MCTP1: variants seen among roughly 807,000 people sequenced by gnomAD.
MCTP1 encodes the protein multiple C2 and transmembrane domain containing 1.
MCTP1 carries 69 observed loss-of-function variants against 120.6 expected under a neutral mutation model. The ratio of observed to expected loss-of-function variants is 0.57; its 90% CI spans 0.47 to 0.70. MCTP1 has a LOEUF of 0.70. Ranked by LOEUF, MCTP1 falls within the 30% of genes least tolerant of loss-of-function variation. The pLI, the probability that MCTP1 is intolerant of heterozygous loss-of-function variation, is 0.00. For missense variants in MCTP1, 1,203 were observed against 1,248.8 expected, an observed-to-expected ratio of 0.96 and a Z score of 0.55; for synonymous variants, 529 against 493.1, an observed-to-expected ratio of 1.07 and a Z score of -0.96.
chr5:95,108,685 G>A (rs904793262), intron 1 of MCTP1, among the ~76,000 whole-genome samples: 1 of 152,148 alleles, frequency 6.6e-6, no homozygotes, highest in African/African-American at 2.4e-5. Flanking sequence ...ACACCTTTGC[G>A]TTTTGCAACA....
intron 1 of MCTP1, among the ~76,000 whole-genome samples, chr5:95,238,196 C>T (rs967822719): frequency 2.6e-5 from 4 of 152,140 alleles, no homozygotes; most frequent in African/African-American, 9.7e-5. Context: ...GTTCTTAGGC[C>T]AGCCTCTCCA....
intron 8 of MCTP1, among the ~76,000 whole-genome samples, chr5:94,915,873 C>T (rs1340439555): frequency 6.6e-6 from 1 of 152,044 alleles, no homozygotes; most frequent in African/African-American, 2.4e-5. Flanking sequence ...CCATTAGTTG[C>T]TGTGAAATGC....
intron 3 of MCTP1, among the ~76,000 whole-genome samples, chr5:94,947,577 T>TAGAG (rs3030518): frequency 1.4e-3 from 64 of 47,332 alleles, no homozygotes; most frequent in South Asian, 3.5e-3. Context: ...TATATATATA[T>TAGAG]AGAGAGAGAG....
At chr5:95,064,849 T>C (rs1156424611) in intron 1 of MCTP1, among the ~76,000 whole-genome samples, 1 of 152,212 alleles carries the variant, frequency 6.6e-6, no homozygotes. Context: ...TCCAAACTGA[T>C]TTAGATGTTG....
At chr5:94,983,718 ATTCAT>A (rs545911142) in intron 2 of MCTP1, among the ~76,000 whole-genome samples, 1 of 151,584 alleles carries the variant, frequency 6.6e-6, no homozygotes, top group South Asian at 2.1e-4. Context: ...CTAGAAAGTA[ATTCAT>A]TTCTTTTTTG....
chr5:95,182,826 A>G (rs1748754523), intron 1 of MCTP1, among the ~76,000 whole-genome samples: 1 of 152,138 alleles, frequency 6.6e-6, no homozygotes, highest in Non-Finnish European at 1.5e-5. Context: ...GATCAAGACC[A>G]TCCTGGCTAA....
At chr5:95,062,706 C>T (rs149477189) in intron 1 of MCTP1, among the ~76,000 whole-genome samples, 36 of 152,320 alleles carry the variant, frequency 2.4e-4, no homozygotes, top group African/African-American at 8.2e-4. Flanking sequence ...AATAGGCACA[C>T]AGAAATACAT....
intron 6 of MCTP1, among the ~76,000 whole-genome samples, chr5:94,924,478 A>C (rs1161381779): frequency 6.6e-6 from 1 of 152,192 alleles, no homozygotes; most frequent in Non-Finnish European, 1.5e-5. Context: ...TCTACAAAAA[A>C]TTCCAAATTT....
chr5:95,270,248 T>C (rs771712029), intron 1 of MCTP1, among the ~76,000 whole-genome samples: 1 of 152,162 alleles, frequency 6.6e-6, no homozygotes, highest in Non-Finnish European at 1.5e-5. Context: ...TATTCTGTAG[T>C]GTTTAAAGGC....
At chr5:95,045,733 C>A (rs1269758366) in intron 1 of MCTP1, among the ~76,000 whole-genome samples, 1 of 152,010 alleles carries the variant, frequency 6.6e-6, no homozygotes, top group African/African-American at 2.4e-5. Context: ...AAACATATAC[C>A]AAACATGTGA....
intron 1 of MCTP1, among the ~76,000 whole-genome samples, chr5:95,096,685 G>C (rs188433303): frequency 6.6e-6 from 1 of 152,278 alleles, no homozygotes; most frequent in East Asian, 1.9e-4. Context: ...GCATCTTACA[G>C]AGCTACATGA....
intron 1 of MCTP1, among the ~76,000 whole-genome samples, chr5:95,253,741 A>T (rs1335040922): frequency 6.6e-6 from 1 of 152,152 alleles, no homozygotes; most frequent in African/African-American, 2.4e-5. Flanking sequence ...AAAGTTTCTG[A>T]TAAGATGTTT....
intron 12 of MCTP1, among the ~76,000 whole-genome samples, chr5:94,880,966 G>C (rs145797859): frequency 2.0e-5 from 3 of 152,148 alleles, no homozygotes; most frequent in East Asian, 1.9e-4. Flanking sequence ...ATTATCTGCT[G>C]TCCTCTGCTG....
chr5:94,788,859 G>A (rs1267687688), intron 18 of MCTP1: 4 of 152,144 alleles, frequency 2.6e-5, no homozygotes, highest in Non-Finnish European at 5.9e-5. Context: ...AAGTCCTGGG[G>A]GCAGATATTT....
chr5:94,837,449 A>G (rs1015156699), intron 17 of MCTP1, among the ~76,000 whole-genome samples: 4 of 152,188 alleles, frequency 2.6e-5, no homozygotes, highest in Non-Finnish European at 5.9e-5. Context: ...GAGATTCACT[A>G]CTTCAGAGTT....
chr5:94,888,997 A>G, intron 11 of MCTP1, 25 bp from the exon 12 acceptor site: 5 of 1,497,158 alleles, frequency 3.3e-6, no homozygotes, highest in Non-Finnish European at 4.7e-6. Flanking sequence ...CATCAGTATT[A>G]GAAAAGGGAG....
At chr5:95,025,147 A>G (rs1312763994) in intron 1 of MCTP1, among the ~76,000 whole-genome samples, 1 of 152,208 alleles carries the variant, frequency 6.6e-6, no homozygotes, top group Non-Finnish European at 1.5e-5. Flanking sequence ...TAGAGGCATC[A>G]CACTATCAGA....
intron 1 of MCTP1, among the ~76,000 whole-genome samples, chr5:95,171,746 G>A (rs978254999): frequency 3.3e-5 from 5 of 150,740 alleles, no homozygotes; most frequent in African/African-American, 1.2e-4. Context: ...CTCATGCCAT[G>A]GTTTTCAGCT....
At chr5:95,153,849 GT>G (rs1439894522) in intron 1 of MCTP1, among the ~76,000 whole-genome samples, 1 of 152,108 alleles carries the variant, frequency 6.6e-6, no homozygotes, top group African/African-American at 2.4e-5. Context: ...TGTTTTTAAG[GT>G]TATTTCTTCT....
Sources: gnomAD v4.1 joint callset for allele counts (sites outside exome capture counted in the v4.1 genomes callset) on GRCh38, gnomAD v4.1.1 for gene constraint, MANE v1.5 for transcripts, NCBI Gene and HGNC (gene_info 2026-07-23, HGNC 2026-07-21) for gene names.